The following ZFPM2 variants were observed in gnomAD, a reference collection of about 807,000 sequenced individuals.
The protein encoded by ZFPM2 is zinc finger protein, FOG family member 2, also known as zinc finger protein ZFPM2.
A neutral mutation model predicts 98.6 loss-of-function variants in ZFPM2; 20 were observed. The ratio of observed to expected loss-of-function variants is 0.20; its 90% CI spans 0.14 to 0.29. The LOEUF is 0.29. ZFPM2 is among the 10% of genes least tolerant of loss of function. ZFPM2 has a pLI of 1.00. For synonymous variants in ZFPM2, 518 were observed against 502.7 expected (o/e 1.03, Z -0.41); for missense variants, 1,310 against 1,388.6 (o/e 0.94, Z 0.90).
chr8:105,609,621 T>C (rs1816265206), intron 4 of ZFPM2, among the ~76,000 whole-genome samples: 1 of 152,194 alleles, frequency 6.6e-6, no homozygotes, highest in Non-Finnish European at 1.5e-5. Flanking sequence ...TGCGTTGAAT[T>C]CCCTTTTTGG....
At chr8:105,422,596 T>C (rs1811818252) in intron 2 of ZFPM2, among the ~76,000 whole-genome samples, 1 of 152,176 alleles carries the variant, frequency 6.6e-6, no homozygotes, top group South Asian at 2.1e-4. Flanking sequence ...AGGCTACCCA[T>C]GACCAAAATT....
intron 5 of ZFPM2, among the ~76,000 whole-genome samples, chr8:105,698,776 C>A (rs2130952847): frequency 6.6e-6 from 1 of 152,280 alleles, no homozygotes; most frequent in East Asian, 1.9e-4. Flanking sequence ...AATTATATGG[C>A]TTTATGATTG....
At chr8:105,500,313 A>G (rs1813565234) in intron 3 of ZFPM2, among the ~76,000 whole-genome samples, 1 of 152,202 alleles carries the variant, frequency 6.6e-6, no homozygotes, top group Non-Finnish European at 1.5e-5. Context: ...TAAACGTAAG[A>G]TAAGGAAATA....
At position 105,795,073 on chromosome 8, in the gene ZFPM2, G is replaced by A. The variant is rs575777872; in HGVS notation, c.740-3651G>A. 2.5e-3 allele frequency among the ~76,000 whole-genome samples: 388 copies of A among 152,238 alleles called. 2 individuals are homozygous for A. Among genetic ancestry groups the A allele is most frequent in the African/African-American group, 8.3e-3 (347 of 41,560 alleles). ...CCTCGCCCTGCTTCAGCTCATGCAC[G>A]GTGCGCTGCACCCACTGACCTGCGC... is the stretch of plus-strand genomic sequence containing the variant. On this transcript the variant is annotated intron_variant, in intron 6 of 7. Transcript: ENST00000407775.
chr8:105,703,931 T>C (rs1313735318), intron 5 of ZFPM2, among the ~76,000 whole-genome samples: 1 of 152,156 alleles, frequency 6.6e-6, no homozygotes, highest in African/African-American at 2.4e-5. Context: ...CTTTTCTTCA[T>C]GTTTGACTGT....
At chr8:105,527,824 G>A (rs1814208563) in intron 3 of ZFPM2, among the ~76,000 whole-genome samples, 1 of 152,144 alleles carries the variant, frequency 6.6e-6, no homozygotes, top group Admixed American at 6.6e-5. Context: ...TAATCATGAA[G>A]AAAGTGTGGC....
chr8:105,633,544 C>T (rs1370699365), intron 4 of ZFPM2, among the ~76,000 whole-genome samples: 1 of 152,196 alleles, frequency 6.6e-6, no homozygotes, highest in Non-Finnish European at 1.5e-5. Context: ...AACATGTACA[C>T]TAAAAATACT....
chr8:105,756,605 G>A (rs895111133), intron 5 of ZFPM2, among the ~76,000 whole-genome samples: 2 of 152,128 alleles, frequency 1.3e-5, no homozygotes, highest in African/African-American at 4.8e-5. Flanking sequence ...GTCATCAGTG[G>A]CATTGGTCAC....
chr8:105,762,950 G>A (rs115151441), intron 5 of ZFPM2, among the ~76,000 whole-genome samples: 2,831 of 151,056 alleles, frequency 0.019, 72 homozygotes, highest in African/African-American at 0.065. Context: ...AAAATTCCTC[G>A]TCAAATTTGT....
intron 5 of ZFPM2, among the ~76,000 whole-genome samples, chr8:105,656,156 A>AACAC (rs34846375): frequency 7.3e-5 from 11 of 151,530 alleles, no homozygotes; most frequent in South Asian, 2.1e-4. Context: ...GACAGACAGA[A>AACAC]ACACACACAC....
chr8:105,400,427 C>T (rs1480893544), intron 1 of ZFPM2, among the ~76,000 whole-genome samples: 1 of 152,038 alleles, frequency 6.6e-6, no homozygotes, highest in Non-Finnish European at 1.5e-5. Context: ...CCCTACCCCA[C>T]AACAGTCCCC....
At chr8:105,696,419 T>C (rs1273167279) in intron 5 of ZFPM2, among the ~76,000 whole-genome samples, 2 of 152,174 alleles carry the variant, frequency 1.3e-5, no homozygotes, top group Non-Finnish European at 2.9e-5. Context: ...AGCATAAAAT[T>C]TAAGAATTTT....
At chr8:105,389,639 A>G (rs182402075) in intron 1 of ZFPM2, among the ~76,000 whole-genome samples, 45 of 152,334 alleles carry the variant, frequency 3.0e-4, no homozygotes, top group Non-Finnish European at 6.0e-4. Context: ...GTATATGGGG[A>G]AACTAGAATT....
chr8:105,654,998 G>T (rs1817254934), intron 5 of ZFPM2, among the ~76,000 whole-genome samples: 1 of 152,074 alleles, frequency 6.6e-6, no homozygotes, highest in Admixed American at 6.5e-5. Context: ...TACTCAGACA[G>T]ATTCCCAAAT....
chr8:105,463,626 C>G (rs1376206065), intron 3 of ZFPM2, among the ~76,000 whole-genome samples: 1 of 151,964 alleles, frequency 6.6e-6, no homozygotes, highest in African/African-American at 2.4e-5. Context: ...ACTGCAAAAT[C>G]TCATGATTTT....
intron 3 of ZFPM2, among the ~76,000 whole-genome samples, chr8:105,505,104 T>TG (rs1270396342): frequency 6.6e-6 from 1 of 152,176 alleles, no homozygotes; most frequent in African/African-American, 2.4e-5. Context: ...GTGTGAATCC[T>TG]GACTCTTGAC....
chr8:105,407,880 C>G (rs977012812), intron 1 of ZFPM2, among the ~76,000 whole-genome samples: 4 of 151,760 alleles, frequency 2.6e-5, no homozygotes, highest in Non-Finnish European at 5.9e-5. Context: ...CATATGATGC[C>G]ATATAGACAC....
chr8:105,686,564 C>G (rs748545849), intron 5 of ZFPM2, among the ~76,000 whole-genome samples: 2 of 152,094 alleles, frequency 1.3e-5, no homozygotes, highest in African/African-American at 4.8e-5. Context: ...ATAATTATTT[C>G]TGAACATTTC....
At chr8:105,785,121 T>A (rs1002548354) in intron 5 of ZFPM2, 1 of 152,210 alleles carries the variant, frequency 6.6e-6, no homozygotes. Context: ...ACCACATGAA[T>A]GCAGAGAGCA....
Sources: gnomAD v4.1 joint callset for allele counts (sites outside exome capture counted in the v4.1 genomes callset) on GRCh38, gnomAD v4.1.1 for gene constraint, MANE v1.5 for transcripts, NCBI Gene and HGNC (gene_info 2026-07-23, HGNC 2026-07-21) for gene names.